MBD5: variants seen among roughly 807,000 people sequenced by gnomAD.
The protein encoded by MBD5 is methyl-CpG-binding domain protein 5.
A neutral mutation model predicts 117.3 loss-of-function variants in MBD5; 13 were observed. The ratio of observed to expected loss-of-function variants is 0.11; its 90% CI spans 0.07 to 0.18. MBD5 has a LOEUF of 0.18. MBD5 is among the 10% of genes least tolerant of loss of function. The pLI is 1.00. For missense variants in MBD5, 1,879 were observed against 2,093.8 expected (o/e 0.90, Z 2.00); for synonymous variants, 727 against 766.4 (o/e 0.95, Z 0.85).
chr2:148,074,393 T>C (rs769177016), intron 1 of MBD5, among the ~76,000 whole-genome samples: 32 of 152,190 alleles, frequency 2.1e-4, no homozygotes, highest in Non-Finnish European at 4.0e-4. Flanking sequence ...AATGTGAGCA[T>C]TCTGGTTTAA....
intron 3 of MBD5, among the ~76,000 whole-genome samples, chr2:148,329,775 T>C (rs1338843428): frequency 6.6e-6 from 1 of 152,142 alleles, no homozygotes; most frequent in Non-Finnish European, 1.5e-5. Flanking sequence ...ACAAATAATA[T>C]CCAATGTGTC....
At chr2:148,330,033 A>ACCCCCCCCCCCCCCCCCCCCCCCC (rs56712549) in intron 3 of MBD5, among the ~76,000 whole-genome samples, 4 of 17,688 alleles carry the variant, frequency 2.3e-4, no homozygotes, top group African/African-American at 4.3e-4. Flanking sequence ...GTAGGTAAGA[A>ACCCCCCCCCCCCCCCCCCCCCCCC]CCCCCCCCCG....
Position 148,111,417 on chromosome 2 carries a change from G to A in MBD5, c.-924-67283G>A, listed in dbSNP as rs538807390. Among the ~76,000 whole-genome samples the A allele has an allele frequency of 7.2e-5, 11 of 152,214 alleles. No individual in the cohort carries two copies. In the South Asian group the frequency reaches 2.3e-3, roughly 32 times the overall value. ...TGACCTGCACTCTTCCAAAATGTTA[G>A]TGATGTGAAAAACCAAACAAGATTG... On this transcript the variant is annotated intron_variant, in intron 1 of 13. Transcript: ENST00000642680.
At chr2:148,431,900 C>CA (rs1705999357) in intron 4 of MBD5, among the ~76,000 whole-genome samples, 2 of 152,062 alleles carry the variant, frequency 1.3e-5, no homozygotes, top group Admixed American at 1.3e-4. Context: ...TTGTATACCC[C>CA]AAAATGGAAT....
At chr2:148,353,085 A>C (rs1466371817) in intron 4 of MBD5, among the ~76,000 whole-genome samples, 1 of 152,176 alleles carries the variant, frequency 6.6e-6, no homozygotes, top group Middle Eastern at 3.2e-3. Flanking sequence ...GATGGAGAGA[A>C]GAGCTATAGT....
intron 1 of MBD5, chr2:148,056,064 C>T (rs1694854718): frequency 6.6e-6 from 1 of 152,146 alleles, no homozygotes; most frequent in Non-Finnish European, 1.5e-5. Flanking sequence ...TTTTACTCTA[C>T]TTTAACGTCT....
intron 1 of MBD5, among the ~76,000 whole-genome samples, chr2:148,066,481 T>G (rs570844419): frequency 6.6e-6 from 1 of 151,992 alleles, no homozygotes; most frequent in South Asian, 2.1e-4. Flanking sequence ...TATACCATTT[T>G]TTTCTTTTTT....
At chr2:148,125,690 T>C (rs1376135459) in intron 1 of MBD5, among the ~76,000 whole-genome samples, 2 of 152,212 alleles carry the variant, frequency 1.3e-5, no homozygotes, top group East Asian at 1.9e-4. Flanking sequence ...TATGCTTAAC[T>C]CCTTTTAATA....
At chr2:148,202,339 A>G (rs955552846) in intron 2 of MBD5, among the ~76,000 whole-genome samples, 3 of 152,190 alleles carry the variant, frequency 2.0e-5, no homozygotes, top group Admixed American at 2.0e-4. Flanking sequence ...AGGTAGTGAT[A>G]TTCAAGCAGA....
chr2:148,425,587 A>T (rs1169368683), intron 4 of MBD5, among the ~76,000 whole-genome samples: 5 of 152,244 alleles, frequency 3.3e-5, no homozygotes. Context: ...CAACAAAAAA[A>T]GAAAATTTCA....
intron 4 of MBD5, among the ~76,000 whole-genome samples, chr2:148,343,462 C>T (rs559738630): frequency 1.3e-5 from 2 of 152,124 alleles, no homozygotes; most frequent in East Asian, 3.9e-4. Context: ...TTAATAATAG[C>T]CATTCTGACT....
chr2:148,318,934 T>A (rs112310964), intron 3 of MBD5, among the ~76,000 whole-genome samples: 1 of 152,134 alleles, frequency 6.6e-6, no homozygotes, highest in Non-Finnish European at 1.5e-5. Context: ...CAGGGTAGTG[T>A]GGAACTCCTG....
chr2:148,509,641 T>G (rs1417947161), intron 12 of MBD5, among the ~76,000 whole-genome samples: 3 of 152,286 alleles, frequency 2.0e-5, no homozygotes, highest in African/African-American at 7.2e-5. Context: ...GGCCAGAGCC[T>G]GCAGTTCAGC....
At chr2:148,222,113 T>C (rs1699699808) in intron 2 of MBD5, among the ~76,000 whole-genome samples, 1 of 152,152 alleles carries the variant, frequency 6.6e-6, no homozygotes, top group Admixed American at 6.5e-5. Flanking sequence ...GTTCCGTTGG[T>C]CTACATGTGT....
chr2:148,229,566 T>C (rs965362962), intron 2 of MBD5, among the ~76,000 whole-genome samples: 2 of 152,212 alleles, frequency 1.3e-5, no homozygotes, highest in African/African-American at 4.8e-5. Context: ...TGTTCTTTGA[T>C]GTCTGGGCAT....
chr2:148,333,024 A>G (rs1702699257), intron 3 of MBD5, among the ~76,000 whole-genome samples: 5 of 151,608 alleles, frequency 3.3e-5, no homozygotes, highest in Admixed American at 3.3e-4. Context: ...CTTCATTTCT[A>G]TCATTATTTT....
chr2:148,292,897 A>C (rs1701532052), intron 3 of MBD5, among the ~76,000 whole-genome samples: 1 of 152,138 alleles, frequency 6.6e-6, no homozygotes, highest in Non-Finnish European at 1.5e-5. Context: ...GCCATAAAAA[A>C]AAAAAAGGGA....
intron 2 of MBD5, among the ~76,000 whole-genome samples, chr2:148,182,701 G>A (rs985087419): frequency 1.3e-5 from 2 of 152,092 alleles, no homozygotes; most frequent in African/African-American, 4.8e-5. Flanking sequence ...GTCAATTCAG[G>A]TTTCCTTCTC....
At chr2:148,491,044 T>A (rs1317494818) in intron 11 of MBD5, among the ~76,000 whole-genome samples, 1 of 152,158 alleles carries the variant, frequency 6.6e-6, no homozygotes, top group African/African-American at 2.4e-5. Context: ...TCCATGTGCT[T>A]ACATGTGGCA....
Sources: allele counts gnomAD v4.1 joint callset (sites outside exome capture counted in the v4.1 genomes callset), GRCh38; gene constraint gnomAD v4.1.1; transcripts MANE v1.5; gene names NCBI Gene and HGNC (gene_info 2026-07-23, HGNC 2026-07-21).